OXR1: variants seen among roughly 807,000 people sequenced by gnomAD.
The protein encoded by OXR1 is oxidation resistance 1, also known as oxidation resistance protein 1.
OXR1 carries 41 observed loss-of-function variants against 104.6 expected under a neutral mutation model. That is an observed-to-expected ratio of 0.39 (90% confidence interval 0.31 to 0.51). The LOEUF (loss-of-function observed/expected upper bound fraction) is 0.51. OXR1 is among the 20% of genes least tolerant of loss of function. OXR1 has a pLI of 0.77. For synonymous variants in OXR1, 348 were observed against 348.4 expected (o/e 1.00, Z 0.01); for missense variants, 955 against 1,031.9 (o/e 0.93, Z 1.02).
intron 1 of OXR1, among the ~76,000 whole-genome samples, chr8:106,359,129 C>T (rs1816131018): frequency 6.9e-6 from 1 of 144,236 alleles, no homozygotes; most frequent in African/African-American, 2.7e-5. Context: ...GATCTTTGTT[C>T]TAATCTTTTT....
intron 2 of OXR1, among the ~76,000 whole-genome samples, chr8:106,481,988 T>C (rs1025800102): frequency 2.0e-5 from 3 of 151,862 alleles, no homozygotes; most frequent in Non-Finnish European, 4.4e-5. Context: ...GATAGGAGAG[T>C]ACACATGAAA....
At chr8:106,331,125 T>TGTTG (rs2130225335) in intron 1 of OXR1, among the ~76,000 whole-genome samples, 2 of 152,350 alleles carry the variant, frequency 1.3e-5, no homozygotes, top group African/African-American at 4.8e-5. Context: ...AAGACATGCT[T>TGTTG]CTTACTTGTT....
intron 3 of OXR1, among the ~76,000 whole-genome samples, chr8:106,638,470 T>C (rs1346197403): frequency 6.6e-6 from 1 of 152,216 alleles, no homozygotes; most frequent in East Asian, 1.9e-4. Context: ...CACAGATTGC[T>C]GAGCCTCATC....
At chr8:106,339,069 C>T (rs1815084315) in intron 1 of OXR1, among the ~76,000 whole-genome samples, 1 of 152,110 alleles carries the variant, frequency 6.6e-6, no homozygotes, top group Admixed American at 6.6e-5. Flanking sequence ...GGGAAATTTG[C>T]ATTTTTCATT....
intron 2 of OXR1, among the ~76,000 whole-genome samples, chr8:106,419,590 G>A (rs960799938): frequency 3.9e-5 from 6 of 152,104 alleles, no homozygotes; most frequent in Non-Finnish European, 7.4e-5. Flanking sequence ...GGCTGCGGAC[G>A]GCCTCCCAAC....
At chr8:106,509,878 C>G (rs902653536) in intron 2 of OXR1, among the ~76,000 whole-genome samples, 1 of 152,184 alleles carries the variant, frequency 6.6e-6, no homozygotes, top group African/African-American at 2.4e-5. Flanking sequence ...TCAAGCAATT[C>G]TCCTTCCTTA....
At chr8:106,304,633 A>G (rs1042881833) in intron 1 of OXR1, among the ~76,000 whole-genome samples, 2 of 152,182 alleles carry the variant, frequency 1.3e-5, no homozygotes, top group African/African-American at 4.8e-5. Flanking sequence ...TAAGGAATAC[A>G]AAAAAGCATT....
At chr8:106,428,044 T>A (rs1206416465) in intron 2 of OXR1, among the ~76,000 whole-genome samples, 1 of 152,204 alleles carries the variant, frequency 6.6e-6, no homozygotes, top group Non-Finnish European at 1.5e-5. Context: ...ATTTAAAATT[T>A]AGTTGCTGTG....
At chr8:106,433,455 G>A (rs1442912804) in intron 2 of OXR1, among the ~76,000 whole-genome samples, 2 of 152,124 alleles carry the variant, frequency 1.3e-5, no homozygotes, top group Non-Finnish European at 2.9e-5. Context: ...AAATCTTGTC[G>A]CTAATTTGTT....
At chr8:106,309,665 T>C (rs1406479763) in intron 1 of OXR1, among the ~76,000 whole-genome samples, 2 of 151,736 alleles carry the variant, frequency 1.3e-5, no homozygotes, top group Admixed American at 6.6e-5. Context: ...AAATTTGTTT[T>C]CACATGTGGT....
At chr8:106,271,321 T>C (rs1811795970) in intron 1 of OXR1, among the ~76,000 whole-genome samples, 1 of 151,960 alleles carries the variant, frequency 6.6e-6, no homozygotes, top group Non-Finnish European at 1.5e-5. Flanking sequence ...CATTAGGCAG[T>C]GGGGAAGGTA....
intron 2 of OXR1, among the ~76,000 whole-genome samples, chr8:106,369,747 T>C (rs926248639): frequency 2.6e-5 from 4 of 152,162 alleles, no homozygotes; most frequent in Admixed American, 2.6e-4. Context: ...TTCTGCTCCA[T>C]TGGTCTATAT....
intron 3 of OXR1, among the ~76,000 whole-genome samples, chr8:106,562,866 A>G (rs1360711383): frequency 1.3e-5 from 2 of 152,210 alleles, no homozygotes; most frequent in Admixed American, 6.5e-5. Context: ...TATCCCGCCA[A>G]ACTAAGCTTC....
intron 2 of OXR1, among the ~76,000 whole-genome samples, chr8:106,395,948 C>G (rs1817760925): frequency 6.6e-6 from 1 of 152,020 alleles, no homozygotes; most frequent in Non-Finnish European, 1.5e-5. Flanking sequence ...CACAGGGGCA[C>G]AGGGGCCAAC....
chr8:106,429,915 C>T (rs948799102), intron 2 of OXR1, among the ~76,000 whole-genome samples: 2 of 151,982 alleles, frequency 1.3e-5, no homozygotes, highest in Non-Finnish European at 2.9e-5. Flanking sequence ...CTTATACATG[C>T]TCAGTGTAAA....
At chr8:106,567,181 G>A (rs1409896609) in intron 3 of OXR1, among the ~76,000 whole-genome samples, 1 of 152,086 alleles carries the variant, frequency 6.6e-6, no homozygotes, top group Admixed American at 6.6e-5. Flanking sequence ...TTCAAACTTG[G>A]TGCATTTGGT....
chr8:106,308,733 TTCTC>T (rs1225633264), intron 1 of OXR1, among the ~76,000 whole-genome samples: 1 of 152,030 alleles, frequency 6.6e-6, no homozygotes, highest in Non-Finnish European at 1.5e-5. Flanking sequence ...CATTAGAACA[TTCTC>T]TCTTGCATAA....
intron 2 of OXR1, among the ~76,000 whole-genome samples, chr8:106,368,793 G>A (rs547508743): frequency 3.2e-4 from 49 of 152,258 alleles, no homozygotes; most frequent in Non-Finnish European, 5.6e-4. Flanking sequence ...TCTTTATCCA[G>A]TCTGCAGTTG....
intron 2 of OXR1, among the ~76,000 whole-genome samples, chr8:106,468,342 TTCTCTGAGGTGCCAACATTTGAGCGA>T (rs1821293636): frequency 6.6e-6 from 1 of 151,888 alleles, no homozygotes; most frequent in Non-Finnish European, 1.5e-5. Context: ...CCCAGAAGAC[TTCTCTGAGGTGCCAACATTTGAGCGA>T]GTATGTGATT....
Sources: gnomAD v4.1 joint callset for allele counts (sites outside exome capture counted in the v4.1 genomes callset) on GRCh38, gnomAD v4.1.1 for gene constraint, MANE v1.5 for transcripts, NCBI Gene and HGNC (gene_info 2026-07-23, HGNC 2026-07-21) for gene names.